The following STMN2 variants were observed in gnomAD, a reference collection of about 807,000 sequenced individuals.
STMN2 encodes the protein stathmin-2.
STMN2 carries 2 observed loss-of-function variants against 24.1 expected under a neutral mutation model. The observed-to-expected ratio is 0.08, with a 90% CI of 0.03 to 0.26. STMN2 has a LOEUF of 0.26. Ranked by LOEUF, STMN2 falls within the 10% of genes least tolerant of loss-of-function variation. The pLI is 1.00. For missense variants in STMN2, 114 were observed against 213.6 expected (o/e 0.53, Z 2.91); for synonymous variants, 83 against 77.5 (o/e 1.07, Z -0.37).
chr8:79,626,398 C>T (rs185400667), intron 1 of STMN2, among the ~76,000 whole-genome samples: 23 of 152,284 alleles, frequency 1.5e-4, no homozygotes, highest in Admixed American at 3.9e-4. Flanking sequence ...TTTGCCTCTA[C>T]GCCAAGAAAT....
At chr8:79,656,197 G>T in intron 4 of STMN2, among the ~76,000 whole-genome samples, 1 of 152,148 alleles carries the variant, frequency 6.6e-6, no homozygotes, top group African/African-American at 2.4e-5. Flanking sequence ...CTTCATTTGT[G>T]CTCGTGAGGA....
At chr8:79,631,424 G>A (rs1301377038) in intron 1 of STMN2, 25 of 984,992 alleles carry the variant, frequency 2.5e-5, no homozygotes, top group Non-Finnish European at 2.8e-5. Context: ...CCAAATTTTT[G>A]TAGAGAGAGA....
At chr8:79,617,934 A>G (rs1398758109) in intron 1 of STMN2, among the ~76,000 whole-genome samples, 1 of 152,226 alleles carries the variant, frequency 6.6e-6, no homozygotes, top group African/African-American at 2.4e-5. Context: ...AGTAGGTTCT[A>G]TTACAGATAT....
At chr8:79,630,428 T>C (rs1809772443) in intron 1 of STMN2, among the ~76,000 whole-genome samples, 3 of 152,176 alleles carry the variant, frequency 2.0e-5, no homozygotes, top group Non-Finnish European at 1.5e-5. Context: ...GAAGTCAACG[T>C]TTATTTTCTG....
At chr8:79,628,098 C>A (rs1230144779) in intron 1 of STMN2, among the ~76,000 whole-genome samples, 6 of 151,920 alleles carry the variant, frequency 3.9e-5, no homozygotes, top group African/African-American at 1.5e-4. Context: ...ACTGATTCCA[C>A]TTTGATGGGA....
chr8:79,646,991 G>T (rs1215416430), intron 3 of STMN2, among the ~76,000 whole-genome samples: 1 of 152,018 alleles, frequency 6.6e-6, no homozygotes, highest in African/African-American at 2.4e-5. Flanking sequence ...GTGGGATTAG[G>T]GAGGGCTGTG....
chr8:79,650,071 C>T (rs914563366), intron 3 of STMN2, among the ~76,000 whole-genome samples: 2 of 152,168 alleles, frequency 1.3e-5, no homozygotes, highest in African/African-American at 4.8e-5. Context: ...TCTTTAGTCT[C>T]CCGGAACGTC....
intron 3 of STMN2, among the ~76,000 whole-genome samples, chr8:79,654,596 A>T (rs981943820): frequency 1.7e-4 from 26 of 151,874 alleles, no homozygotes; most frequent in African/African-American, 5.3e-4. Flanking sequence ...GCCTTTTTTT[A>T]AAAAAATTTG....
intron 3 of STMN2, among the ~76,000 whole-genome samples, chr8:79,642,806 G>A (rs1464403104): frequency 6.6e-6 from 1 of 151,068 alleles, no homozygotes; most frequent in Non-Finnish European, 1.5e-5. Context: ...ATCCTCCTAT[G>A]ATATGTAATA....
intron 2 of STMN2, among the ~76,000 whole-genome samples, chr8:79,637,947 G>A (rs1810004827): frequency 6.6e-6 from 1 of 152,182 alleles, no homozygotes. Context: ...AATCATAAAT[G>A]CTAATTAACT....
intron 1 of STMN2, among the ~76,000 whole-genome samples, chr8:79,630,167 C>A (rs536784042): frequency 6.6e-6 from 1 of 152,162 alleles, no homozygotes; most frequent in Non-Finnish European, 1.5e-5. Context: ...CTCTAGGACT[C>A]CCTTTGAGTT....
intron 1 of STMN2, chr8:79,620,855 C>G (rs1185075867): frequency 2.2e-6 from 1 of 462,000 alleles, no homozygotes; most frequent in Non-Finnish European, 2.8e-6. Flanking sequence ...GAGGTTCTCA[C>G]TCTATTAGGT....
intron 4 of STMN2, among the ~76,000 whole-genome samples, chr8:79,663,279 G>C (rs1440718971): frequency 6.6e-6 from 1 of 152,144 alleles, no homozygotes; most frequent in African/African-American, 2.4e-5. Context: ...GTGATTAAGA[G>C]AGTGAGCTGT....
chr8:79,644,362 A>G (rs896019801), intron 3 of STMN2, among the ~76,000 whole-genome samples: 1 of 152,232 alleles, frequency 6.6e-6, no homozygotes, highest in Admixed American at 6.5e-5. Flanking sequence ...TTCAATAGTC[A>G]GTTCCAAATT....
intron 1 of STMN2, among the ~76,000 whole-genome samples, chr8:79,615,824 G>GCCCTGGTTAATTATT (rs1471061515): frequency 6.6e-6 from 1 of 152,080 alleles, no homozygotes; most frequent in African/African-American, 2.4e-5. Context: ...GTAGATACAC[G>GCCCTGGTTAATTATT]CCCTGGTTAA....
intron 1 of STMN2, among the ~76,000 whole-genome samples, chr8:79,631,261 C>T (rs1034803060): frequency 1.3e-5 from 2 of 152,138 alleles, no homozygotes; most frequent in Non-Finnish European, 2.9e-5. Flanking sequence ...ATTTAAGAGC[C>T]TCATATGTTT....
intron 3 of STMN2, among the ~76,000 whole-genome samples, chr8:79,651,239 C>T (rs557062455): frequency 6.6e-6 from 1 of 152,314 alleles, no homozygotes; most frequent in East Asian, 1.9e-4. Flanking sequence ...AGCAGACTCA[C>T]GTGACCACAC....
intron 4 of STMN2, among the ~76,000 whole-genome samples, chr8:79,662,142 C>A (rs1806515779): frequency 6.6e-6 from 1 of 151,984 alleles, no homozygotes; most frequent in African/African-American, 2.4e-5. Context: ...ATTAGAGGAC[C>A]AGAATTTTTC....
intron 3 of STMN2, among the ~76,000 whole-genome samples, chr8:79,646,076 A>T (rs1179046221): frequency 6.6e-6 from 1 of 152,172 alleles, no homozygotes; most frequent in Non-Finnish European, 1.5e-5. Context: ...AATAAATAAT[A>T]ACTTTCAGGG....
Sources: allele counts gnomAD v4.1 joint callset (sites outside exome capture counted in the v4.1 genomes callset), GRCh38; gene constraint gnomAD v4.1.1; transcripts MANE v1.5; gene names NCBI Gene and HGNC (gene_info 2026-07-23, HGNC 2026-07-21).